Variants in ACP6 observed in about 807,000 individuals in gnomAD.
ACP6 encodes acid phosphatase 6, lysophosphatidic, also known as lysophosphatidic acid phosphatase type 6.
In ACP6, 48 loss-of-function variants were observed where a neutral mutation model predicts 48.1. That is an observed-to-expected ratio of 1.00 (90% confidence interval 0.79 to 1.27). The LOEUF is 1.27. Among genes scored for constraint, ACP6 ranks in the 50% most tolerant of loss-of-function variants. The pLI is 0.00. For synonymous variants in ACP6, 172 were observed against 204.2 expected (o/e 0.84, Z 1.34); for missense variants, 485 against 529.1 (o/e 0.92, Z 0.82).
intron 5 of ACP6, 136 bp from the exon 6 acceptor site, chr1:147,654,462 T>A (rs1660127658): frequency 2.2e-6 from 2 of 914,890 alleles, no homozygotes; most frequent in Non-Finnish European, 3.2e-6. Context: ...ATTATCCCAA[T>A]TTTATAGATG....
chr1:147,659,286 T>C (rs2148911829), intron 3 of ACP6, 110 bp downstream of exon 3: 1 of 1,444,974 alleles, frequency 6.9e-7, no homozygotes, highest in African/African-American at 1.4e-5. Context: ...TGACAAGTTG[T>C]CCCCCAAACT....
At chr1:147,650,373 C>A (rs1003084109) in intron 7 of ACP6, 135 bp from the exon 8 acceptor site, 42 of 581,388 alleles carry the variant, frequency 7.2e-5, no homozygotes, top group Middle Eastern at 6.2e-4. Context: ...GGGCCAGCAA[C>A]GGGCCAGAAG....
chr1:147,650,578 A>G (rs1659869577), intron 7 of ACP6: 1 of 224,884 alleles, frequency 4.4e-6, no homozygotes, highest in Non-Finnish European at 8.6e-6. Context: ...CAAGCTGGGA[A>G]GAAGAAGGGG....
chr1:147,670,238 A>G lies in ACP6; in HGVS notation c.-190T>C. On this transcript the variant is annotated 5_prime_UTR_variant, in exon 1 of 10. Coordinates refer to ENST00000583509, the MANE Select transcript of ACP6 (RefSeq NM_016361.5). ...GAGACCCCGAGTGGGAACGGGGGAG[A>G]GAACAAGAGGTGGCAGCAGCGAAGA... is the stretch of plus-strand genomic sequence containing the variant. The G allele has an allele frequency of 3.5e-6, 2 of 569,532 alleles. No homozygotes were observed. Among genetic ancestry groups the G allele is most frequent in the Non-Finnish European group, 3.1e-6 (1 of 325,716 alleles). 35.3% of individuals were successfully genotyped at this position (569,532 alleles called of 1,614,324 possible). A position where few individuals can be genotyped will look rare whatever the true frequency, so the allele number is the denominator to read the frequency against.
At position 147,647,575 on chromosome 1, in the gene ACP6, G is replaced by T; in HGVS notation, c.1144-9C>A. ...CCTCTCGGCACCTGCTCCTGCAGAA[G>T]AAACATAACTCAGCAGGTCCGCCGA... is the stretch of plus-strand genomic sequence containing the variant. On this transcript the variant is annotated splice_polypyrimidine_tract_variant and intron_variant, in intron 9 of 9. Coordinates refer to ENST00000583509, the MANE Select transcript of ACP6 (RefSeq NM_016361.5). The T allele has an allele frequency of 6.2e-7, 1 of 1,610,874 alleles. No homozygotes were observed. Among genetic ancestry groups the T allele is most frequent in the Non-Finnish European group, 8.5e-7 (1 of 1,179,670 alleles).
intron 6 of ACP6, 140 bp downstream of exon 6, chr1:147,654,054 C>A (rs936626654): frequency 5.0e-6 from 7 of 1,407,266 alleles, no homozygotes; most frequent in African/African-American, 1.4e-5. Context: ...TCCCTCAGTC[C>A]CCACACCCAT....
intron 9 of ACP6, 196 bp from the exon 10 acceptor site, chr1:147,647,762 G>T (rs782529212): frequency 5.6e-6 from 4 of 713,498 alleles, no homozygotes; most frequent in Non-Finnish European, 8.9e-6. Context: ...CACTCAAAAA[G>T]TGTTGAATTG....
intron 1 of ACP6, among the ~76,000 whole-genome samples, chr1:147,667,933 T>C (rs587640780): frequency 1.3e-5 from 2 of 151,844 alleles, no homozygotes; most frequent in Non-Finnish European, 2.9e-5. Context: ...GAGGTTGCGG[T>C]GAGCCGAGAT....
At chr1:147,655,874 C>T (rs1274302724) in intron 4 of ACP6, among the ~76,000 whole-genome samples, 1 of 152,168 alleles carries the variant, frequency 6.6e-6, no homozygotes, top group Non-Finnish European at 1.5e-5. Flanking sequence ...GTACCATTGT[C>T]CCCTCCCGTC....
chr1:147,630,973 T>G (rs1659148189), exon 6 of ACP6: 1 of 152,196 alleles, frequency 6.6e-6, no homozygotes, highest in Non-Finnish European at 1.5e-5. Flanking sequence ...ATGTCAACAC[T>G]GCAATGAAGA....
At position 147,645,191 on chromosome 1, in the gene ACP6, T is replaced by C. The variant is rs782433476; in HGVS notation, c.*2232A>G. On this transcript the variant is annotated 3_prime_UTR_variant, in exon 10 of 10. Transcript: ENST00000583509. Reference sequence around the variant, plus strand: ...TGGGATTACATCACATTGTACTCCATAAATATAATAATTTTATAAAATTAT... The same window carrying C: ...TGGGATTACATCACATTGTACTCCACAAATATAATAATTTTATAAAATTAT... 3 of 151,212 alleles carry C rather than the reference T, an allele frequency of 2.0e-5. No individual in the cohort carries two copies. Among genetic ancestry groups the C allele is most frequent in the Non-Finnish European group, 4.4e-5 (3 of 67,820 alleles). 9.4% of individuals were successfully genotyped at this position (151,212 alleles called of 1,614,324 possible).
At chr1:147,647,778 G>T in intron 9 of ACP6, 1 of 664,418 alleles carries the variant, frequency 1.5e-6, no homozygotes, top group Non-Finnish European at 2.5e-6. Flanking sequence ...AATTGACTGG[G>T]AAGAAAGAGT....
At chr1:147,663,754 C>T (rs1660662636) in intron 1 of ACP6, among the ~76,000 whole-genome samples, 1 of 152,200 alleles carries the variant, frequency 6.6e-6, no homozygotes, top group African/African-American at 2.4e-5. Context: ...GTTTCTGCAT[C>T]TTCTTCCAGC....
In ACP6 at chr1:147,661,285, ACT is replaced by A. The variant is rs587672068; in HGVS notation, c.220-1512_220-1511del. On this transcript the variant is annotated intron_variant, in intron 1 of 9. Coordinates refer to ENST00000583509, the MANE Select transcript of ACP6 (RefSeq NM_016361.5). ...CACCTCAGCCTCCCGAGCAGCTGGG[ACT>A]ACAGGCATATACCATCATGCCCAGC... Among the ~76,000 whole-genome samples the A allele has an allele frequency of 3.1e-3, 469 of 150,602 alleles. 4 individuals are homozygous for A. The highest frequency in any genetic ancestry group is 0.017 in the Middle Eastern group (5 of 286).
chr1:147,669,737 C>A lies in ACP6; in HGVS notation c.219+93G>T, dbSNP rs1421016708. On this transcript the variant is annotated intron_variant, in intron 1 of 9. Coordinates refer to ENST00000583509, the MANE Select transcript of ACP6 (RefSeq NM_016361.5). ...GACCCAACCCGAGCCCCGCTCCGCG[C>A]GAGTAAAGCTCTGAAGATGTGTGTC... 12 of 1,320,512 alleles carry A rather than the reference C, an allele frequency of 9.1e-6. No homozygotes were observed. In the East Asian group the frequency reaches 2.3e-4, roughly 26 times the overall value. The allele number at this position is 1,320,512 out of a possible 1,614,324, so 81.8% of individuals were successfully genotyped here.
intron 5 of ACP6, among the ~76,000 whole-genome samples, chr1:147,636,548 T>C (rs2101642075): frequency 6.6e-6 from 1 of 152,346 alleles, no homozygotes; most frequent in East Asian, 1.9e-4. Context: ...GAAAACATGC[T>C]GATCCTCAGG....
At position 147,669,835 on chromosome 1, in the gene ACP6, C is replaced by T; in HGVS notation, c.214G>A (p.Glu72Lys). The T allele has an allele frequency of 6.3e-7, 1 of 1,589,294 alleles. No individual in the cohort carries two copies. The highest frequency in any genetic ancestry group is 8.6e-7 in the Non-Finnish European group (1 of 1,166,330). Reference protein sequence around the residue: ...RSPLKPLPLEEQVEWNPQLLE... With the variant: ...RSPLKPLPLEKQVEWNPQLLE... ...AGCCCGGGCCGACCTCTCACCTGCT[C>T]CTCCAGCGGGAGCGGCTTGAGAGGA... Residue 72 changes from glutamate to lysine, a missense_variant, in exon 1 of 10, where the codon GAG becomes AAG. Coordinates refer to ENST00000583509, the MANE Select transcript of ACP6 (RefSeq NM_016361.5).
intron 4 of ACP6, among the ~76,000 whole-genome samples, chr1:147,658,314 T>G (rs983517812): frequency 6.6e-6 from 1 of 152,236 alleles, no homozygotes; most frequent in Non-Finnish European, 1.5e-5. Context: ...AATAAGGTCA[T>G]GATGATCTGA....
intron 7 of ACP6, 83 bp downstream of exon 7, chr1:147,652,366 A>G: frequency 7.4e-7 from 1 of 1,351,648 alleles, no homozygotes; most frequent in Non-Finnish European, 1.0e-6. Context: ...GTCAGGTGTG[A>G]GTGGGCCTGA....
Sources: gnomAD v4.1 joint callset for allele counts (sites outside exome capture counted in the v4.1 genomes callset) on GRCh38, gnomAD v4.1.1 for gene constraint, MANE v1.5 for transcripts, NCBI Gene and HGNC (gene_info 2026-07-23, HGNC 2026-07-21) for gene names.